Variants in ZFHX3 observed in about 807,000 individuals in gnomAD.
ZFHX3 encodes the protein zinc finger homeobox 3.
In ZFHX3, 42 loss-of-function variants were observed where a neutral mutation model predicts 279.1. That is an observed-to-expected ratio of 0.15 (90% CI 0.12 to 0.19). The LOEUF is 0.19. Ranked by LOEUF, ZFHX3 falls within the 10% of genes least tolerant of loss-of-function variation. The pLI is 1.00. For synonymous variants in ZFHX3, 2,293 were observed against 1,957.8 expected (o/e 1.17, Z -4.52); for missense variants, 4,981 against 4,754.0 (o/e 1.05, Z -1.40).
At chr16:73,196,058 A>G (rs1968141811) in intron 5 of ZFHX3, among the ~76,000 whole-genome samples, 1 of 152,154 alleles carries the variant, frequency 6.6e-6, no homozygotes, top group African/African-American at 2.4e-5. Flanking sequence ...AAAACACCAG[A>G]AGCTGTAAAA....
intron 2 of ZFHX3, among the ~76,000 whole-genome samples, chr16:73,603,120 TA>T (rs1160392044): frequency 4.0e-5 from 6 of 151,416 alleles, no homozygotes; most frequent in Admixed American, 6.6e-5. Flanking sequence ...CTGTCTCTAC[TA>T]AAAAATACAA....
At chr16:73,543,555 A>C (rs1399976915) in intron 2 of ZFHX3, among the ~76,000 whole-genome samples, 1 of 152,196 alleles carries the variant, frequency 6.6e-6, no homozygotes, top group African/African-American at 2.4e-5. Context: ...TAAAGGGAGC[A>C]GCTGGGAATC....
intron 4 of ZFHX3, among the ~76,000 whole-genome samples, chr16:72,832,473 C>T (rs1371698965): frequency 6.6e-6 from 1 of 152,132 alleles, no homozygotes; most frequent in African/African-American, 2.4e-5. Context: ...ATTTCAAGAA[C>T]TTATTTTGCT....
At chr16:72,931,990 C>A (rs1433610099) in intron 3 of ZFHX3, among the ~76,000 whole-genome samples, 2 of 152,180 alleles carry the variant, frequency 1.3e-5, no homozygotes. Flanking sequence ...CCATCTTTGT[C>A]CTCTAAGCTG....
At position 73,109,220 on chromosome 16, in the gene ZFHX3, G is replaced by A. The variant is rs575466021; in HGVS notation, c.-896-15622C>T. 5.3e-5 allele frequency among the ~76,000 whole-genome samples: 8 copies of A among 152,340 alleles called. No homozygotes were observed. The South Asian group carries it at 1.7e-3, about 32-fold the overall frequency. On this transcript the variant is annotated intron_variant, in intron 7 of 17. Coordinates refer to the ZFHX3 transcript ENST00000641206. The stretch of plus-strand genomic sequence containing the variant: ...TGAGTGAGTGAATGAGGATGTGAAC[G>A]CATGCGTGTGCATAGGTTTCGTGTC...
At chr16:73,170,114 G>A (rs1343322566) in intron 5 of ZFHX3, among the ~76,000 whole-genome samples, 3 of 151,778 alleles carry the variant, frequency 2.0e-5, no homozygotes, top group Admixed American at 6.6e-5. Context: ...ACACTTGTGG[G>A]ATGATTATTA....
At chr16:73,802,867 G>A (rs140493159) in intron 1 of ZFHX3, among the ~76,000 whole-genome samples, 2 of 152,156 alleles carry the variant, frequency 1.3e-5, no homozygotes, top group Non-Finnish European at 2.9e-5. Context: ...GCCCAGGCTA[G>A]AGTGCAATGG....
At chr16:73,112,868 C>G (rs1045397279) in intron 7 of ZFHX3, among the ~76,000 whole-genome samples, 2 of 152,026 alleles carry the variant, frequency 1.3e-5, no homozygotes, top group Admixed American at 1.3e-4. Flanking sequence ...CCCCTGGGGC[C>G]TGGCTGACCA....
chr16:73,677,808 T>A (rs2052969780), intron 2 of ZFHX3, among the ~76,000 whole-genome samples: 1 of 151,812 alleles, frequency 6.6e-6, no homozygotes. Context: ...CACAAAAAAA[T>A]AATTATACTA....
At chr16:73,810,850 T>A (rs1299407001) in intron 1 of ZFHX3, among the ~76,000 whole-genome samples, 1 of 152,086 alleles carries the variant, frequency 6.6e-6, no homozygotes, top group Admixed American at 6.5e-5. Flanking sequence ...TAGCTGATCA[T>A]CTCCATGGTC....
At chr16:72,931,404 T>TACACACACACACAC (rs59696404) in intron 3 of ZFHX3, among the ~76,000 whole-genome samples, 25 of 120,162 alleles carry the variant, frequency 2.1e-4, no homozygotes, top group East Asian at 7.2e-4. Flanking sequence ...TTTATTTCAT[T>TACACACACACACAC]ACACACACAC....
chr16:73,319,010 C>G (rs1356412028), intron 3 of ZFHX3, among the ~76,000 whole-genome samples: 3 of 151,852 alleles, frequency 2.0e-5, no homozygotes, highest in Non-Finnish European at 4.4e-5. Flanking sequence ...TGCGGTCGGC[C>G]CACACGCAGC....
intron 1 of ZFHX3, among the ~76,000 whole-genome samples, chr16:73,820,664 C>A (rs1960713864): frequency 6.6e-6 from 1 of 151,966 alleles, no homozygotes; most frequent in Non-Finnish European, 1.5e-5. Flanking sequence ...CTGCTGAGCC[C>A]CATCAATTCC....
rs182141188 is a variant in ZFHX3 at position 73,138,747 on chromosome 16, G to T, written c.-1024+5005C>A. On this transcript the variant is annotated intron_variant, in intron 6 of 17. Coordinates refer to the ZFHX3 transcript ENST00000641206. ...CTGTCACCCAGGCTGGAGTGCAGTG[G>T]CATGATCATGGCTCACTGCAGCCTG... is the stretch of plus-strand genomic sequence containing the variant. Among the ~76,000 whole-genome samples, 10 of 152,158 alleles carry T rather than the reference G, an allele frequency of 6.6e-5. No individual in the cohort carries two copies. The East Asian group carries it at 1.9e-3, about 30-fold the overall frequency.
At chr16:73,291,265 A>G (rs1026319689) in intron 4 of ZFHX3, among the ~76,000 whole-genome samples, 3 of 151,850 alleles carry the variant, frequency 2.0e-5, no homozygotes, top group African/African-American at 4.8e-5. Context: ...CTTCATCCCC[A>G]CTGATGTCTC....
At chr16:73,321,029 C>T (rs62057263) in intron 3 of ZFHX3, among the ~76,000 whole-genome samples, 1,717 of 152,266 alleles carry the variant, frequency 0.011, 21 homozygotes, top group Non-Finnish European at 0.017. Context: ...AGGGATCTGA[C>T]CCCCAGGAGA....
At chr16:72,990,033 C>T (rs995599670) in intron 1 of ZFHX3, among the ~76,000 whole-genome samples, 9 of 152,230 alleles carry the variant, frequency 5.9e-5, no homozygotes, top group Non-Finnish European at 8.8e-5. Context: ...CCAACTTTCC[C>T]GAATTATAAA....
chr16:73,787,680 G>A (rs1403146678), intron 1 of ZFHX3, among the ~76,000 whole-genome samples: 2 of 152,226 alleles, frequency 1.3e-5, no homozygotes, highest in South Asian at 2.1e-4. Context: ...GGGGCTTGCC[G>A]CCTTGAATGA....
intron 4 of ZFHX3, among the ~76,000 whole-genome samples, chr16:72,866,145 A>G (rs1282459055): frequency 6.6e-6 from 1 of 152,230 alleles, no homozygotes; most frequent in Non-Finnish European, 1.5e-5. Context: ...GTCCTAACAA[A>G]TGATCCTAAA....
Sources: allele counts gnomAD v4.1 joint callset (sites outside exome capture counted in the v4.1 genomes callset), GRCh38; gene constraint gnomAD v4.1.1; transcripts MANE v1.5; gene names NCBI Gene and HGNC (gene_info 2026-07-23, HGNC 2026-07-21).